The following HDDC2 variants were observed in gnomAD, a reference collection of about 807,000 sequenced individuals.
HDDC2 encodes the protein 5'-deoxynucleotidase HDDC2.
In HDDC2, 25 loss-of-function variants were observed where a neutral mutation model predicts 25.5. The ratio of observed to expected loss-of-function variants is 0.98; its 90% CI spans 0.72 to 1.37. HDDC2 has a LOEUF of 1.37. Among genes scored for constraint, HDDC2 ranks in the 40% most tolerant of loss-of-function variants. HDDC2 has a pLI of 0.00. For synonymous variants in HDDC2, 106 were observed against 89.7 expected, an observed-to-expected ratio of 1.18 and a Z score of -1.03; for missense variants, 264 against 253.1, an observed-to-expected ratio of 1.04 and a Z score of -0.29.
intron 4 of HDDC2, among the ~76,000 whole-genome samples, chr6:125,285,630 G>GA (rs1471016893): frequency 1.3e-5 from 2 of 150,884 alleles, no homozygotes; most frequent in South Asian, 4.2e-4. Context: ...TATACCTCAA[G>GA]AAAACCTTAA....
intron 4 of HDDC2, chr6:125,278,570 A>G (rs1354191307): frequency 1.3e-5 from 2 of 152,222 alleles, no homozygotes; most frequent in Non-Finnish European, 2.9e-5. Context: ...AAAGCACACA[A>G]AATAATACTA....
chr6:125,277,008 G>C (rs1023132489), intron 5 of HDDC2, 94 bp downstream of exon 5: 18 of 1,248,678 alleles, frequency 1.4e-5, no homozygotes, highest in Non-Finnish European at 2.1e-5. Context: ...GTCAGATGAA[G>C]GTACCAACAG....
chr6:125,276,337 C>A, intron 5 of HDDC2, 94 bp from the exon 6 acceptor site: 1 of 899,376 alleles, frequency 1.1e-6, no homozygotes, highest in Non-Finnish European at 1.8e-6. Context: ...ACTGGGGGCT[C>A]TAGTCTACGA....
intron 4 of HDDC2, among the ~76,000 whole-genome samples, chr6:125,282,463 G>A (rs1260792689): frequency 6.6e-6 from 1 of 152,150 alleles, no homozygotes; most frequent in African/African-American, 2.4e-5. Flanking sequence ...AGAAGCAAAT[G>A]CTGAGGAATT....
At chr6:125,282,452 T>C (rs944530172) in intron 4 of HDDC2, among the ~76,000 whole-genome samples, 1 of 152,046 alleles carries the variant, frequency 6.6e-6, no homozygotes, top group Non-Finnish European at 1.5e-5. Context: ...ATCTTTTACA[T>C]AGAAGCAAAT....
At chr6:125,276,981 ATGCT>A in intron 5 of HDDC2, 117 bp downstream of exon 5, 3 of 918,878 alleles carry the variant, frequency 3.3e-6, no homozygotes, top group Non-Finnish European at 5.0e-6. Context: ...TTCTTTTTAG[ATGCT>A]CCACATGAAA....
chr6:125,286,969 C>T (rs1798547211), intron 4 of HDDC2, among the ~76,000 whole-genome samples: 1 of 152,016 alleles, frequency 6.6e-6, no homozygotes, highest in Admixed American at 6.5e-5. Flanking sequence ...ACAAAAGAAC[C>T]CAATATGCCC....
intron 4 of HDDC2, among the ~76,000 whole-genome samples, chr6:125,283,735 C>T (rs930113816): frequency 6.6e-6 from 1 of 152,162 alleles, no homozygotes; most frequent in Non-Finnish European, 1.5e-5. Flanking sequence ...AATGGCCATA[C>T]TGCCCAAAGT....
rs549992995 is a variant in HDDC2, at chr6:125,277,509, A to G, written c.379-269T>C. 10 of 365,928 alleles carry G rather than the reference A, an allele frequency of 2.7e-5. No homozygotes were observed. In the South Asian group the frequency reaches 6.3e-4, roughly 23 times the overall value. The allele number at this position is 365,928 out of a possible 1,614,324, so 22.7% of individuals were successfully genotyped here. ...TTGTATGTTCATCTTAGGTACTTTC[A>G]AGATCTTTTCTTCCTGTTTAATACC... is the stretch of plus-strand genomic sequence containing the variant. On this transcript the variant is annotated intron_variant, in intron 4 of 5. Transcript: ENST00000398153.
intron 4 of HDDC2, among the ~76,000 whole-genome samples, chr6:125,285,846 A>G (rs902636418): frequency 3.3e-5 from 5 of 152,234 alleles, no homozygotes; most frequent in African/African-American, 1.2e-4. Context: ...CAGCTTCTCC[A>G]CATTGTCAGA....
At chr6:125,292,783 A>C in intron 4 of HDDC2, 58 bp downstream of exon 4, 1 of 1,260,442 alleles carries the variant, frequency 7.9e-7, no homozygotes, top group East Asian at 2.3e-5. Context: ...GTACAACATC[A>C]GGGAGCCATA....
Position 125,300,356 on chromosome 6 carries a change from T to C in HDDC2, c.206+182A>G, listed in dbSNP as rs1798776451. ...ATCACTTGCCAACAGAAACCCCAGA[T>C]TGCAGTTTACAACAACTGAGGCAAC... On this transcript the variant is annotated intron_variant, in intron 2 of 5. Transcript: ENST00000398153. 35 of 658,800 alleles carry C rather than the reference T, an allele frequency of 5.3e-5. No homozygotes were observed. The South Asian group carries it at 7.1e-4, about 13-fold the overall frequency. The allele number at this position is 658,800 out of a possible 1,614,324, so 40.8% of individuals were successfully genotyped here.
chr6:125,277,378 G>A (rs1322537459), intron 4 of HDDC2, 138 bp from the exon 5 acceptor site: 1 of 747,422 alleles, frequency 1.3e-6, no homozygotes, highest in Non-Finnish European at 2.2e-6. Flanking sequence ...CTACTGTTTA[G>A]AAATCCATCA....
In HDDC2 at chr6:125,276,200, A is replaced by G. The variant is rs1798366405; in HGVS notation, c.561T>C (p.Leu187=). The change falls in exon 6 of 6, where the codon CTT becomes CTC. Residue 187 remains leucine (L), a synonymous_variant. Transcript: ENST00000398153. The part of the protein sequence containing the change: ...HPEIVQLVSE[L]EAERSTNIAA... ...CTATGTTAGTGCTTCTTTCTGCCTC[A>G]AGTTCAGAAACAAGCTGGACTATCT... 1 of 1,614,054 alleles carries G rather than the reference A, an allele frequency of 6.2e-7. No homozygotes were observed. The highest frequency in any genetic ancestry group is 1.7e-5 in the Admixed American group (1 of 60,002).
chr6:125,282,006 C>T (rs577279065), intron 4 of HDDC2, among the ~76,000 whole-genome samples: 9 of 152,170 alleles, frequency 5.9e-5, no homozygotes, highest in African/African-American at 1.9e-4. Context: ...GATCTCTCTA[C>T]AGAAATCCTA....
At chr6:125,284,261 T>G (rs146730706) in intron 4 of HDDC2, among the ~76,000 whole-genome samples, 19,241 of 152,064 alleles carry the variant, frequency 0.13, 1,533 homozygotes, top group East Asian at 0.27. Context: ...AGGCAAAGAC[T>G]TCATGACTAA....
chr6:125,277,204 CA>C lies in HDDC2; in HGVS notation c.414del (p.Phe138LeufsTer2). ...ATTTCACATTGGTCTAGCTGCTTCACAAATTTGGCTTCTGCACTAGATTGGG... is the reference window on the plus strand; with the variant it reads ...ATTTCACATTGGTCTAGCTGCTTCACAATTTGGCTTCTGCACTAGATTGGG... ...YETQSSAEAKFVKQLDQCEMI... is the reference protein window; with the variant it reads ...YETQSSAEAKXVKQLDQCEMI... On this transcript the variant is annotated frameshift_variant, in exon 5 of 6. Transcript: ENST00000398153. LOFTEE classifies it high-confidence loss of function. 6.2e-7 allele frequency: 1 copy of C among 1,614,114 alleles called. No individual in the cohort carries two copies. Among genetic ancestry groups the C allele is most frequent in the Non-Finnish European group, 8.5e-7 (1 of 1,179,990 alleles).
intron 1 of HDDC2, 60 bp downstream of exon 1, chr6:125,301,789 C>G (rs112775943): frequency 3.1e-6 from 4 of 1,291,644 alleles, no homozygotes; most frequent in Non-Finnish European, 3.2e-6. Flanking sequence ...AGGCCGGAAG[C>G]TCCGCCGCCC....
rs766414568 is a variant in HDDC2, at chr6:125,276,135, TAG to T, written c.*9_*10del. The T allele has an allele frequency of 1.1e-5, 18 of 1,582,196 alleles. No individual in the cohort carries two copies. Among genetic ancestry groups the T allele is most frequent in the Admixed American group, 6.7e-5 (4 of 59,966 alleles). On this transcript the variant is annotated 3_prime_UTR_variant, in exon 6 of 6. Transcript: ENST00000398153. ...TGTTTGTTACAGGAGTGCAGCAATT[TAG>T]AGAGTGTCTCAGGAGTGTGGCTCAC...
Sources: gnomAD v4.1 joint callset for allele counts (sites outside exome capture counted in the v4.1 genomes callset) on GRCh38, gnomAD v4.1.1 for gene constraint, MANE v1.5 for transcripts, NCBI Gene and HGNC (gene_info 2026-07-23, HGNC 2026-07-21) for gene names.